The following UBR4 variants were observed in gnomAD, a reference collection of about 807,000 sequenced individuals.
UBR4 encodes E3 ubiquitin-protein ligase UBR4.
A neutral mutation model predicts 575.6 loss-of-function variants in UBR4; 124 were observed. That is an observed-to-expected ratio of 0.22 (90% CI 0.19 to 0.25). The LOEUF (loss-of-function observed/expected upper bound fraction) is 0.25, where lower values mean the gene tolerates loss of function less well. Among genes scored for constraint, UBR4 ranks in the 10% least tolerant of loss-of-function variants. The pLI, the probability that UBR4 is intolerant of heterozygous loss-of-function variation, is 1.00. For synonymous variants in UBR4, 2,455 were observed against 2,473.7 expected (o/e 0.99, Z 0.22); for missense variants, 4,818 against 6,478.8 (o/e 0.74, Z 8.80).
rs143617535 is a variant in UBR4 at position 19,088,952 on chromosome 1, G to A, written c.14237C>T (p.Pro4746Leu). 1,242 of 1,614,042 alleles carry A rather than the reference G, an allele frequency of 7.7e-4. No individual in the cohort carries two copies. The highest frequency in any genetic ancestry group is 1.0e-3 in the Non-Finnish European group (1,179 of 1,180,044). The stretch of plus-strand genomic sequence containing the variant: ...CACCTGCTCCAGCTTATGCAGGTTC[G>A]GGATGGAATCAGTTCCAATCAGAAC... ...TQVLIGTDSI[P>L]NLHKLEQVSS... The change falls in exon 98 of 106, where the codon CCG becomes CTG. Residue 4746 changes from proline (P) to leucine (L), a missense_variant. This residue lies in a region of UBR4 where 196 missense variants were observed against 386.8 expected (regional missense o/e 0.51). Coordinates refer to ENST00000375254, the MANE Select transcript of UBR4 (RefSeq NM_020765.3). This position sits in a 1 kb window ranked among gnomAD's most constrained non-coding sequence, Gnocchi z 4.0.
chr1:19,192,481 C>G lies in UBR4; in HGVS notation c.1203G>C (p.Glu401Asp). 1.9e-6 allele frequency: 3 copies of G among 1,614,164 alleles called. No homozygotes were observed. Among genetic ancestry groups the G allele is most frequent in the Non-Finnish European group, 2.5e-6 (3 of 1,180,030 alleles). ...AISSSRRAGG[E>D]HYQNFQLLGA... ...CAGCAGAGACAGATACGCTTCTTAC[C>G]TCACCACCAGCCCGGCGAGAACTGC... Residue 401 changes from glutamate (E) to aspartate (D), a missense_variant and splice_region_variant, in exon 10 of 106, where the codon GAG becomes GAC. By Grantham distance (45) the Glu-to-Asp change is conservative. Around this residue, in one of 29 missense-constraint regions of UBR4, gnomAD observed 131 missense variants for 214.5 expected, o/e 0.61. Transcript: ENST00000375254.
intron 81 of UBR4, among the ~76,000 whole-genome samples, chr1:19,108,257 A>G (rs2079448164): frequency 1.3e-5 from 2 of 152,206 alleles, no homozygotes; most frequent in Non-Finnish European, 2.9e-5. Flanking sequence ...ATACTATAAC[A>G]TGCATTGGTC....
chr1:19,074,994 G>T, intron 105 of UBR4, 98 bp from the exon 106 acceptor site: 2 of 1,313,210 alleles, frequency 1.5e-6, no homozygotes, highest in Non-Finnish European at 2.2e-6. Flanking sequence ...ACACACTGCG[G>T]TCCGACAAGC....
rs531585950 is a variant in UBR4, at chr1:19,119,664, G to A, written c.10348C>T (p.Leu3450=). 6.2e-7 allele frequency: 1 copy of A among 1,613,484 alleles called. No homozygotes were observed. Among genetic ancestry groups the A allele is most frequent in the East Asian group, 2.2e-5 (1 of 44,862 alleles). Residue 3450 remains leucine, a synonymous_variant, in exon 70 of 106, where the codon CTG becomes TTG. Coordinates refer to ENST00000375254, the MANE Select transcript of UBR4 (RefSeq NM_020765.3). The part of the protein sequence containing the change: ...SKSQQELLLD[L]MWSIWPELPA... ...AGTTCTGGCCAGATGGACCACATCA[G>A]ATCTAGCAGGAGCTCCTGTTGAGAT... is the stretch of plus-strand genomic sequence containing the variant.
intron 11 of UBR4, among the ~76,000 whole-genome samples, chr1:19,191,852 G>GC (rs2092109247): frequency 6.6e-6 from 1 of 152,116 alleles, no homozygotes; most frequent in Non-Finnish European, 1.5e-5. Context: ...GGTTATACAC[G>GC]CAAGTACTCA....
intron 70 of UBR4, 76 bp from the exon 71 acceptor site, chr1:19,119,033 A>T (rs1413152785): frequency 8.0e-6 from 11 of 1,378,960 alleles, no homozygotes; most frequent in Non-Finnish European, 4.1e-6. Flanking sequence ...TGTCTTCTGC[A>T]TTCTAGCTGA....
At chr1:19,085,306 G>A (rs763985937) in intron 101 of UBR4, among the ~76,000 whole-genome samples, 1 of 152,182 alleles carries the variant, frequency 6.6e-6, no homozygotes, top group Non-Finnish European at 1.5e-5. Flanking sequence ...TGGATCACCT[G>A]AGGTCAGGAG....
chr1:19,120,360 G>C lies in UBR4; in HGVS notation c.10142-12C>G. ...GCCAGAGGTCTCACCTGCAAGATTA[G>C]GACAGGACTAAGGGCTGAAGAGTAG... On this transcript the variant is annotated splice_polypyrimidine_tract_variant and intron_variant, in intron 68 of 105. Transcript: ENST00000375254. 1 of 1,613,946 alleles carries C rather than the reference G, an allele frequency of 6.2e-7. No homozygotes were observed. Among genetic ancestry groups the C allele is most frequent in the Non-Finnish European group, 8.5e-7 (1 of 1,179,856 alleles).
rs959999823 is a variant in UBR4 at position 19,093,020 on chromosome 1, C to T, written c.14112-102G>A. The T allele has an allele frequency of 9.4e-6, 10 of 1,067,414 alleles. No individual in the cohort carries two copies. The highest frequency in any genetic ancestry group is 4.4e-5 in the Admixed American group (2 of 45,732). The allele number at this position is 1,067,414 out of a possible 1,614,324, so 66.1% of individuals were successfully genotyped here. Reference sequence around the variant, plus strand: ...GTTTAAACCCCCAGGGCATGATTAACCGTGACCCTCTCCGAGTGTCATAAA... The same window carrying T: ...GTTTAAACCCCCAGGGCATGATTAATCGTGACCCTCTCCGAGTGTCATAAA... On this transcript the variant is annotated intron_variant, in intron 96 of 105. Coordinates refer to ENST00000375254, the MANE Select transcript of UBR4 (RefSeq NM_020765.3). The surrounding 1 kb of genome is among the most constrained non-coding windows in gnomAD (Gnocchi z 4.8).
rs1429511059 is a variant in UBR4, at chr1:19,153,193, T to C, written c.6832+108A>G. 2.4e-6 allele frequency: 3 copies of C among 1,272,198 alleles called. No homozygotes were observed. The African/African-American group carries it at 4.4e-5, about 19-fold the overall frequency. The allele number at this position is 1,272,198 out of a possible 1,614,324, so 78.8% of individuals were successfully genotyped here. A position where few individuals can be genotyped will look rare whatever the true frequency, so the allele number is the denominator to read the frequency against. On this transcript the variant is annotated intron_variant, in intron 46 of 105. Transcript: ENST00000375254. This position sits in a 1 kb window ranked among gnomAD's most constrained non-coding sequence, Gnocchi z 4.1. ...AAATTAACTTTACAAAATGTGCAAG[T>C]AGGACAGTCACATTTCTTCACAGAT...
chr1:19,131,682 T>C (rs552738911), intron 60 of UBR4, among the ~76,000 whole-genome samples: 7 of 152,314 alleles, frequency 4.6e-5, no homozygotes, highest in Admixed American at 3.3e-4. Context: ...AAGACCAGCC[T>C]GACCAACATG....
chr1:19,139,604 T>C lies in UBR4; in HGVS notation c.8594-384A>G, dbSNP rs949185892. Among the ~76,000 whole-genome samples the C allele has an allele frequency of 6.6e-6, 1 of 152,244 alleles. No homozygotes were observed. The highest frequency in any genetic ancestry group is 2.4e-5 in the African/African-American group (1 of 41,472). On this transcript the variant is annotated intron_variant, in intron 58 of 105. Coordinates refer to ENST00000375254, the MANE Select transcript of UBR4 (RefSeq NM_020765.3). The surrounding 1 kb of genome is among the most constrained non-coding windows in gnomAD (Gnocchi z 4.2). ...ATGGTCACCATTGTTTAGGTGTTAC[T>C]GACACCTGCTGAGAGATCTGAAACT...
In UBR4 at chr1:19,197,217, A is replaced by C. The variant is rs778719658; in HGVS notation, c.942T>G (p.Ser314=). The change falls in exon 8 of 106, where the codon TCT becomes TCG. Residue 314 remains serine (S), a synonymous_variant. Coordinates refer to ENST00000375254, the MANE Select transcript of UBR4 (RefSeq NM_020765.3). ...IDVTMALDTL[S]LPVLEPLNPS... ...GATTGAGAGGTTCCAACACAGGTAG[A>C]GAAAGGGTATCCAATGCCATAGTTA... 1 of 1,614,098 alleles carries C rather than the reference A, an allele frequency of 6.2e-7. No individual in the cohort carries two copies. Among genetic ancestry groups the C allele is most frequent in the African/African-American group, 1.3e-5 (1 of 74,922 alleles).
intron 17 of UBR4, 106 bp downstream of exon 17, chr1:19,183,705 G>A (rs1264380120): frequency 4.2e-6 from 5 of 1,187,584 alleles, no homozygotes; most frequent in Non-Finnish European, 4.9e-6. Flanking sequence ...CTGGGTAACA[G>A]AGCAAGACTC....
Position 19,192,483 on chromosome 1 carries a change from C to T in UBR4, c.1201G>A (p.Glu401Lys). 6.2e-7 allele frequency: 1 copy of T among 1,614,186 alleles called. No individual in the cohort carries two copies. The highest frequency in any genetic ancestry group is 8.5e-7 in the Non-Finnish European group (1 of 1,180,032). Residue 401 changes from glutamate to lysine, a missense_variant and splice_region_variant, in exon 10 of 106, where the codon GAG (glutamate) becomes AAG (lysine). Glu to Lys is a moderately conservative substitution (Grantham distance 56). Transcript: ENST00000375254. ...GCAGAGACAGATACGCTTCTTACCTCACCACCAGCCCGGCGAGAACTGCTG... is the reference window on the plus strand; with the variant it reads ...GCAGAGACAGATACGCTTCTTACCTTACCACCAGCCCGGCGAGAACTGCTG... ...AISSSRRAGG[E>K]HYQNFQLLGA...
At chr1:19,156,050 A>G (rs549423231) in intron 42 of UBR4, among the ~76,000 whole-genome samples, 12 of 152,248 alleles carry the variant, frequency 7.9e-5, no homozygotes, top group African/African-American at 2.9e-4. Flanking sequence ...TCTATCACCC[A>G]GATTGGAGTG....
At chr1:19,164,688 A>C in intron 32 of UBR4, 111 bp downstream of exon 32, 1 of 1,383,850 alleles carries the variant, frequency 7.2e-7, no homozygotes, top group Non-Finnish European at 1.0e-6. Context: ...AGAGAGGTAG[A>C]TACAAAAATG....
chr1:19,094,001 C>T lies in UBR4; in HGVS notation c.13885G>A (p.Glu4629Lys), dbSNP rs2077783489. The part of the protein sequence containing the change: ...IIPYLSFGEV[E>K]KMQILVERFK... ...CGCTCCACCAAGATCTGCATTTTCT[C>T]CACCTCTCCAAAGGAAAGGTACGGG... Residue 4629 changes from glutamate to lysine, a missense_variant, in exon 95 of 106, where the codon GAG becomes AAG. This residue lies in a region of UBR4 where 165 missense variants were observed against 282.3 expected (regional missense o/e 0.58). Transcript: ENST00000375254. 1.2e-6 allele frequency: 2 copies of T among 1,613,996 alleles called. No homozygotes were observed. The highest frequency in any genetic ancestry group is 1.1e-5 in the South Asian group (1 of 91,052).
intron 2 of UBR4, among the ~76,000 whole-genome samples, chr1:19,200,167 A>G (rs1394076111): frequency 1.3e-5 from 2 of 152,120 alleles, no homozygotes; most frequent in Admixed American, 1.3e-4. Flanking sequence ...TTAACCACTA[A>G]ACCAGGAGTG....
Sources: allele counts gnomAD v4.1 joint callset (sites outside exome capture counted in the v4.1 genomes callset), GRCh38; gene constraint gnomAD v4.1.1; regional missense constraint gnomAD v4.1.1; non-coding constraint Gnocchi (gnomAD v3.1); transcripts MANE v1.5; gene names NCBI Gene and HGNC (gene_info 2026-07-23, HGNC 2026-07-21).